The following NF1 variants were observed in gnomAD, a reference collection of about 807,000 sequenced individuals.
The protein encoded by NF1 is neurofibromin.
Under a neutral mutation model 325.7 loss-of-function variants are expected in NF1, and 122 were observed. That is an observed-to-expected ratio of 0.37 (90% confidence interval 0.32 to 0.44). NF1 has a LOEUF of 0.44. Among genes scored for constraint, NF1 ranks in the 20% least tolerant of loss-of-function variants. The pLI, the probability that NF1 is intolerant of heterozygous loss-of-function variation, is 1.00. For synonymous variants in NF1, 1,091 were observed against 1,186.0 expected, an observed-to-expected ratio of 0.92 and a Z score of 1.65; for missense variants, 2,140 against 3,415.4, an observed-to-expected ratio of 0.63 and a Z score of 9.31.
rs17881670 is a variant in NF1, at chr17:31,288,155, T to C, written c.4835+22816T>C. The stretch of plus-strand genomic sequence containing the variant: ...AAAAAAATAAAAAATAAAATAACTT[T>C]CCAGAAATTTAGATTCAGAATCTCA... On this transcript the variant is annotated intron_variant, in intron 36 of 57. Coordinates refer to ENST00000358273, the MANE Select transcript of NF1 (RefSeq NM_001042492.3). Among the ~76,000 whole-genome samples, 1,263 of 152,110 alleles carry C rather than the reference T, an allele frequency of 8.3e-3. 10 individuals are homozygous for C. Among genetic ancestry groups the C allele is most frequent in the South Asian group, 0.014 (67 of 4,810 alleles).
At chr17:31,233,602 T>G (rs2151436189) in intron 27 of NF1, among the ~76,000 whole-genome samples, 1 of 152,340 alleles carries the variant, frequency 6.6e-6, no homozygotes, top group South Asian at 2.1e-4. Flanking sequence ...CTCATACAGT[T>G]TTTTAAAAAT....
Position 31,159,121 on chromosome 17 carries a change from G to C in NF1, c.288+28G>C, listed in dbSNP as rs769944115. On this transcript the variant is annotated intron_variant, in intron 3 of 57. Transcript: ENST00000358273. Reference sequence around the variant, plus strand: ...AAGTAAATTGATCTTAAGTAGGCAGGCTTTGTGAATTTGATCTTGAGAATG... The same window carrying C: ...AAGTAAATTGATCTTAAGTAGGCAGCCTTTGTGAATTTGATCTTGAGAATG... 10 of 1,466,740 alleles carry C rather than the reference G, an allele frequency of 6.8e-6. No homozygotes were observed. The East Asian group carries it at 1.4e-4, about 20-fold the overall frequency. 90.9% of individuals were successfully genotyped at this position (1,466,740 alleles called of 1,614,324 possible).
intron 1 of NF1, chr17:31,133,351 GTTATTTGTGTAAACCACATTTTCT>G (rs1304064042): frequency 6.6e-6 from 1 of 152,132 alleles, no homozygotes. Context: ...ATAATATTCT[GTTATTTGTGTAAACCACATTTTCT>G]TTATCCATTC....
intron 51 of NF1, among the ~76,000 whole-genome samples, chr17:31,353,880 G>A (rs1223837719): frequency 1.3e-5 from 2 of 152,190 alleles, no homozygotes; most frequent in Admixed American, 1.3e-4. Context: ...TAACGTGCCA[G>A]TAAACCGTGA....
At chr17:31,182,867 G>T in intron 8 of NF1, 1 of 610,680 alleles carries the variant, frequency 1.6e-6, no homozygotes, top group South Asian at 2.0e-5. Flanking sequence ...AATAATACCA[G>T]GCAATGAACA....
At chr17:31,162,112 A>G (rs2065772946) in intron 3 of NF1, among the ~76,000 whole-genome samples, 1 of 151,942 alleles carries the variant, frequency 6.6e-6, no homozygotes, top group South Asian at 2.1e-4. Flanking sequence ...ATGTCACTGG[A>G]AAATAATTAA....
intron 36 of NF1, chr17:31,296,023 G>C (rs1199523747): frequency 6.2e-7 from 1 of 1,614,034 alleles, no homozygotes; most frequent in Non-Finnish European, 8.5e-7. Context: ...CAGCAGACAT[G>C]TTCCACAGAG....
chr17:31,275,864 C>A (rs980204117), intron 36 of NF1, among the ~76,000 whole-genome samples: 13 of 152,226 alleles, frequency 8.5e-5, no homozygotes, highest in Middle Eastern at 3.4e-3. Flanking sequence ...CTTATTCCTT[C>A]TATTCCCTCT....
At chr17:31,373,763 A>G (rs2070688829) in intron 57 of NF1, among the ~76,000 whole-genome samples, 1 of 152,212 alleles carries the variant, frequency 6.6e-6, no homozygotes. Flanking sequence ...AACTACATAA[A>G]GTACACAATA....
At chr17:31,136,125 C>G (rs1915752148) in intron 1 of NF1, 1 of 152,088 alleles carries the variant, frequency 6.6e-6, no homozygotes, top group Non-Finnish European at 1.5e-5. Flanking sequence ...GTCAGGAGAT[C>G]AAGACCATCC....
At chr17:31,363,204 A>G (rs1421611219) in intron 57 of NF1, among the ~76,000 whole-genome samples, 1 of 152,156 alleles carries the variant, frequency 6.6e-6, no homozygotes, top group Non-Finnish European at 1.5e-5. Flanking sequence ...ATGTTTTCAG[A>G]GAAAGGGTTT....
At chr17:31,187,751 C>T (rs1331530928) in intron 8 of NF1, among the ~76,000 whole-genome samples, 6 of 152,086 alleles carry the variant, frequency 3.9e-5, no homozygotes, top group Admixed American at 3.3e-4. Context: ...TTTTTCTTCC[C>T]GTTCTTGAGA....
chr17:31,330,737 A>G (rs925852084), intron 39 of NF1: 1 of 539,324 alleles, frequency 1.9e-6, no homozygotes, highest in Non-Finnish European at 3.3e-6. Context: ...AGAGTTTGGT[A>G]CTTTACACAC....
chr17:31,356,475 TTGA>T lies in NF1; in HGVS notation c.7633_7635del (p.Asp2545del). 1 of 1,613,634 alleles carries T rather than the reference TTGA, an allele frequency of 6.2e-7. No individual in the cohort carries two copies. Among genetic ancestry groups the T allele is most frequent in the Non-Finnish European group, 8.5e-7 (1 of 1,179,676 alleles). On this transcript the variant is annotated inframe_deletion, in exon 52 of 58. Coordinates refer to ENST00000358273, the MANE Select transcript of NF1 (RefSeq NM_001042492.3). ...TTGTTTATAGGAACAAGGAAAAGTT[TTGA>T]TCACTTGATATCAGACACAAAGGCT...
intron 1 of NF1, among the ~76,000 whole-genome samples, chr17:31,121,817 T>G (rs1420601646): frequency 6.6e-6 from 1 of 152,192 alleles, no homozygotes; most frequent in Non-Finnish European, 1.5e-5. Flanking sequence ...ACTGCTGGAT[T>G]CGGTTTGCCA....
chr17:31,097,238 A>T (rs1222831444), intron 1 of NF1, among the ~76,000 whole-genome samples: 1 of 152,082 alleles, frequency 6.6e-6, no homozygotes, highest in Non-Finnish European at 1.5e-5. Flanking sequence ...CAGGTGGATC[A>T]CCTGAGGTCA....
At chr17:31,321,126 C>T (rs2069177295) in intron 36 of NF1, 1 of 152,166 alleles carries the variant, frequency 6.6e-6, no homozygotes, top group African/African-American at 2.4e-5. Flanking sequence ...GTTGTGTTAT[C>T]AGAAGTTTTC....
At chr17:31,096,476 G>A (rs572040765) in intron 1 of NF1, among the ~76,000 whole-genome samples, 4 of 152,308 alleles carry the variant, frequency 2.6e-5, no homozygotes, top group Admixed American at 2.6e-4. Context: ...TTTGTCAGTG[G>A]AAATTGGTTT....
intron 36 of NF1, chr17:31,297,444 A>G (rs571463363): frequency 8.2e-4 from 125 of 152,328 alleles, no homozygotes; most frequent in African/African-American, 2.7e-3. Context: ...CTGATTTGCT[A>G]TAGGATGGGA....
Sources: gnomAD v4.1 joint callset for allele counts (sites outside exome capture counted in the v4.1 genomes callset) on GRCh38, gnomAD v4.1.1 for gene constraint, MANE v1.5 for transcripts, NCBI Gene and HGNC (gene_info 2026-07-23, HGNC 2026-07-21) for gene names.